Variants in SLC44A5 observed in about 807,000 individuals in gnomAD.
SLC44A5 encodes the protein choline transporter-like protein 5.
SLC44A5 carries 57 observed loss-of-function variants against 101.8 expected under a neutral mutation model. That is an observed-to-expected ratio of 0.56 (90% confidence interval 0.45 to 0.70). SLC44A5 has a LOEUF of 0.70. Among genes scored for constraint, SLC44A5 ranks in the 30% least tolerant of loss-of-function variants. The pLI, the probability that SLC44A5 is intolerant of heterozygous loss-of-function variation, is 0.00. For missense variants in SLC44A5, 737 were observed against 853.1 expected, an observed-to-expected ratio of 0.86 and a Z score of 1.70; for synonymous variants, 281 against 290.9, an observed-to-expected ratio of 0.97 and a Z score of 0.35.
chr1:75,346,461 C>A (rs1300414451), intron 3 of SLC44A5, among the ~76,000 whole-genome samples: 3 of 152,100 alleles, frequency 2.0e-5, no homozygotes, highest in Non-Finnish European at 4.4e-5. Flanking sequence ...CTCAGGCTGC[C>A]TCTTAACAGA....
the SLC44A5 span, among the ~76,000 whole-genome samples, chr1:75,723,231 G>A: frequency 2.6e-5 from 4 of 152,156 alleles, no homozygotes; most frequent in Admixed American, 2.6e-4. Context: ...AAGACTACTA[G>A]CGAGCGGCAA....
intron 4 of SLC44A5, among the ~76,000 whole-genome samples, chr1:75,324,803 AT>A (rs1328352091): frequency 2.6e-5 from 4 of 152,188 alleles, no homozygotes; most frequent in Non-Finnish European, 5.9e-5. Flanking sequence ...TTAACCCATA[AT>A]TTTTATCTGC....
At chr1:75,558,678 C>T (rs1016174693) in intron 1 of SLC44A5, among the ~76,000 whole-genome samples, 1 of 152,052 alleles carries the variant, frequency 6.6e-6, no homozygotes, top group Non-Finnish European at 1.5e-5. Flanking sequence ...TCAACAACAA[C>T]TTTGCGATAT....
intron 2 of SLC44A5, among the ~76,000 whole-genome samples, chr1:75,466,948 C>CA (rs1226625838): frequency 6.6e-6 from 1 of 151,956 alleles, no homozygotes; most frequent in Non-Finnish European, 1.5e-5. Flanking sequence ...CTACACTGCA[C>CA]AAAAAACTAT....
chr1:75,408,065 C>A (rs1662997519), intron 2 of SLC44A5, among the ~76,000 whole-genome samples: 1 of 152,158 alleles, frequency 6.6e-6, no homozygotes, highest in African/African-American at 2.4e-5. Flanking sequence ...TATGAACAGA[C>A]ACTTCTCAGA....
the SLC44A5 span, among the ~76,000 whole-genome samples, chr1:75,666,944 A>T: frequency 1.3e-5 from 2 of 152,222 alleles, no homozygotes; most frequent in African/African-American, 4.8e-5. Flanking sequence ...TCTCAAAATA[A>T]TAAGAGCTAT....
the SLC44A5 span, among the ~76,000 whole-genome samples, chr1:75,626,862 G>A: frequency 6.6e-6 from 1 of 151,940 alleles, no homozygotes; most frequent in East Asian, 1.9e-4. Context: ...AGCTTTTATA[G>A]TACAGCATGA....
chr1:75,285,599 C>T (rs555120888), intron 5 of SLC44A5, among the ~76,000 whole-genome samples: 2 of 152,040 alleles, frequency 1.3e-5, no homozygotes, highest in African/African-American at 2.4e-5. Context: ...TTGATGTCAG[C>T]ATTTAATGCT....
intron 7 of SLC44A5, among the ~76,000 whole-genome samples, chr1:75,247,404 C>G (rs906049625): frequency 3.3e-5 from 5 of 151,974 alleles, no homozygotes; most frequent in Admixed American, 2.6e-4. Context: ...ATTTGAGATG[C>G]CAACCAAATA....
intron 6 of SLC44A5, among the ~76,000 whole-genome samples, chr1:75,263,096 A>T (rs771666446): frequency 7.9e-5 from 12 of 152,228 alleles, no homozygotes; most frequent in Non-Finnish European, 1.6e-4. Flanking sequence ...CTAAAACATG[A>T]AAGCAATGGC....
the SLC44A5 span, among the ~76,000 whole-genome samples, chr1:75,682,872 T>C: frequency 1.3e-5 from 2 of 152,116 alleles, no homozygotes; most frequent in Non-Finnish European, 2.9e-5. Context: ...AAAGGGCTAA[T>C]ATCCAGAATC....
At chr1:75,278,846 A>C (rs1242918456) in intron 5 of SLC44A5, among the ~76,000 whole-genome samples, 1 of 152,120 alleles carries the variant, frequency 6.6e-6, no homozygotes, top group Non-Finnish European at 1.5e-5. Flanking sequence ...AAAAAGTAGA[A>C]TCTTCTCTCA....
At chr1:75,309,940 A>G (rs113749696) in intron 4 of SLC44A5, among the ~76,000 whole-genome samples, 58 of 152,324 alleles carry the variant, frequency 3.8e-4, no homozygotes, top group African/African-American at 1.4e-3. Context: ...AATATTTGCC[A>G]ACCTATTTTA....
chr1:75,660,475 G>A, the SLC44A5 span, among the ~76,000 whole-genome samples: 2,396 of 152,032 alleles, frequency 0.016, 76 homozygotes, highest in African/African-American at 0.053. Context: ...CATAGCCAGA[G>A]CAATTAGACA....
At chr1:75,556,052 G>C (rs1433915556) in intron 1 of SLC44A5, among the ~76,000 whole-genome samples, 1 of 152,080 alleles carries the variant, frequency 6.6e-6, no homozygotes, top group East Asian at 1.9e-4. Context: ...TATGAGTGAT[G>C]GTGTAGAAGG....
At chr1:75,354,115 A>T (rs1320453151) in intron 3 of SLC44A5, 1 of 263,562 alleles carries the variant, frequency 3.8e-6, no homozygotes, top group Non-Finnish European at 7.4e-6. Context: ...TCTAAAGAAC[A>T]TATACAGGTT....
At chr1:75,591,487 G>T (rs1292454561) in intron 1 of SLC44A5, among the ~76,000 whole-genome samples, 1 of 152,060 alleles carries the variant, frequency 6.6e-6, no homozygotes, top group Non-Finnish European at 1.5e-5. Context: ...TTGCATCTAT[G>T]TTCATCAGGG....
At chr1:75,615,969 T>G, upstream of SLC44A5, 1 of 817,530 alleles carries the variant, frequency 1.2e-6, no homozygotes, top group Non-Finnish European at 1.5e-6. Flanking sequence ...TCGCCGCGGC[T>G]CTCAGCTCAG....
chr1:75,317,706 A>G (rs1655802655), intron 4 of SLC44A5, among the ~76,000 whole-genome samples: 1 of 152,092 alleles, frequency 6.6e-6, no homozygotes, highest in Non-Finnish European at 1.5e-5. Context: ...GTGTGCCTGC[A>G]TGGTCAGGTT....
Sources: allele counts gnomAD v4.1 joint callset (sites outside exome capture counted in the v4.1 genomes callset), GRCh38; gene constraint gnomAD v4.1.1; transcripts MANE v1.5; gene names NCBI Gene and HGNC (gene_info 2026-07-23, HGNC 2026-07-21).